Variants in HOOK1 observed in about 807,000 individuals in gnomAD.
The protein encoded by HOOK1 is protein Hook homolog 1.
HOOK1 carries 60 observed loss-of-function variants against 112.8 expected under a neutral mutation model. The ratio of observed to expected loss-of-function variants is 0.53; its 90% CI spans 0.43 to 0.66. The LOEUF is 0.66. Ranked by LOEUF, HOOK1 falls within the 30% of genes least tolerant of loss-of-function variation. The probability of loss-of-function intolerance (pLI) is 0.00; values close to 1 mark genes in which losing one functional copy is unlikely to be tolerated. For missense variants in HOOK1, 770 were observed against 856.0 expected (o/e 0.90, Z 1.25); for synonymous variants, 294 against 283.8 (o/e 1.04, Z -0.36).
intron 15 of HOOK1, among the ~76,000 whole-genome samples, chr1:59,862,510 C>T (rs145201762): frequency 1.6e-4 from 25 of 151,844 alleles, no homozygotes; most frequent in African/African-American, 5.6e-4. Flanking sequence ...CCAGTGAGTG[C>T]GGTGTAGAAA....
At chr1:59,826,639 T>A (rs988467531) in intron 2 of HOOK1, among the ~76,000 whole-genome samples, 1 of 152,210 alleles carries the variant, frequency 6.6e-6, no homozygotes, top group Non-Finnish European at 1.5e-5. Flanking sequence ...CATACTTGGA[T>A]TTTTTTAGGG....
At chr1:59,860,072 C>G (rs920148387) in intron 14 of HOOK1, 116 bp from the exon 15 acceptor site, 8 of 657,752 alleles carry the variant, frequency 1.2e-5, no homozygotes, top group Middle Eastern at 4.3e-4. Context: ...CTAGCTGGTC[C>G]TGCTTGCATC....
chr1:59,820,508 T>G (rs889545487), intron 1 of HOOK1, among the ~76,000 whole-genome samples: 1 of 152,178 alleles, frequency 6.6e-6, no homozygotes, highest in African/African-American at 2.4e-5. Context: ...AAATAATATC[T>G]CTTCTCATGT....
chr1:59,821,209 T>C (rs1157070346), intron 1 of HOOK1, among the ~76,000 whole-genome samples: 1 of 152,240 alleles, frequency 6.6e-6, no homozygotes, highest in African/African-American at 2.4e-5. Flanking sequence ...CTATCTCATA[T>C]TTGCTTATTG....
chr1:59,865,379 T>C (rs1451154374), intron 18 of HOOK1, 134 bp downstream of exon 18: 4 of 506,072 alleles, frequency 7.9e-6, no homozygotes, highest in Non-Finnish European at 1.4e-5. Flanking sequence ...AGGACTATGA[T>C]AATTTTTAGT....
At chr1:59,841,671 A>C (rs1162171359) in intron 8 of HOOK1, among the ~76,000 whole-genome samples, 1 of 152,136 alleles carries the variant, frequency 6.6e-6, no homozygotes, top group African/African-American at 2.4e-5. Flanking sequence ...CCTGTAAAAT[A>C]CCTTGTAGGA....
chr1:59,832,234 T>C lies in HOOK1; in HGVS notation c.273+21T>C. ...ATGAGGTATGAAAACCATCTGACTT[T>C]GTTTAAATGCATCATGCTATACGAA... On this transcript the variant is annotated intron_variant, in intron 4 of 21. Transcript: ENST00000371208. 5 of 1,459,106 alleles carry C rather than the reference T, an allele frequency of 3.4e-6. No homozygotes were observed. In the South Asian group the frequency reaches 5.1e-5, roughly 15 times the overall value. 90.4% of individuals were successfully genotyped at this position (1,459,106 alleles called of 1,614,324 possible).
In HOOK1 at chr1:59,860,281, G is replaced by C. The variant is rs1313944146; in HGVS notation, c.1485G>C (p.Gln495His). ...ENERIEELQE[Q>H]LEQKHRKMNE... ...AACGTATTGAGGAACTTCAGGAGCA[G>C]CTAGAACAGAAACACCGTAAAATGA... Residue 495 changes from glutamine (Q) to histidine (H), a missense_variant, in exon 15 of 22, where the codon CAG becomes CAC. Physicochemically the swap from Gln to His is conservative, Grantham distance 24 (BLOSUM62 0). Transcript: ENST00000371208. 1 of 1,610,050 alleles carries C rather than the reference G, an allele frequency of 6.2e-7. No homozygotes were observed. Among genetic ancestry groups the C allele is most frequent in the Admixed American group, 1.7e-5 (1 of 59,736 alleles).
intron 12 of HOOK1, among the ~76,000 whole-genome samples, chr1:59,856,546 T>A (rs2098410880): frequency 6.6e-6 from 1 of 152,112 alleles, no homozygotes; most frequent in Non-Finnish European, 1.5e-5. Context: ...AATCTGACAT[T>A]TAAAATAATA....
At chr1:59,841,304 G>A (rs1234886910) in intron 8 of HOOK1, among the ~76,000 whole-genome samples, 1 of 152,128 alleles carries the variant, frequency 6.6e-6, no homozygotes, top group East Asian at 1.9e-4. Flanking sequence ...TTGATTCTCT[G>A]AAAAGTGTAA....
At chr1:59,853,071 A>T (rs1309642402) in intron 12 of HOOK1, among the ~76,000 whole-genome samples, 1 of 151,928 alleles carries the variant, frequency 6.6e-6, no homozygotes, top group Non-Finnish European at 1.5e-5. Flanking sequence ...AGAGTGTTCC[A>T]TGTGGATTTT....
At position 59,828,787 on chromosome 1, in the gene HOOK1, G is replaced by T. The variant is rs1330244038; in HGVS notation, c.157G>T (p.Ala53Ser). 6.2e-7 allele frequency: 1 copy of T among 1,612,990 alleles called. No homozygotes were observed. The highest frequency in any genetic ancestry group is 1.7e-5 in the Admixed American group (1 of 59,900). ...MAQVLHQIDAAWFNESWLSRI... is the reference protein window; with the variant it reads ...MAQVLHQIDASWFNESWLSRI... ...TTTTTGTTGTTGTTTCAGTGATGCA[G>T]CTTGGTTTAACGAATCTTGGTTAAG... is the stretch of plus-strand genomic sequence containing the variant. Residue 53 changes from alanine to serine, a missense_variant, in exon 3 of 22, where the codon GCT becomes TCT. Coordinates refer to ENST00000371208, the MANE Select transcript of HOOK1 (RefSeq NM_015888.6).
At chr1:59,854,944 AAAC>A (rs1559057532) in intron 12 of HOOK1, among the ~76,000 whole-genome samples, 1 of 152,240 alleles carries the variant, frequency 6.6e-6, no homozygotes, top group African/African-American at 2.4e-5. Context: ...ATACATGGTA[AAAC>A]AACGACAACA....
rs2098400426 is a variant in HOOK1, at chr1:59,840,350, A to G, written c.580A>G (p.Lys194Glu). Residue 194 changes from lysine to glutamate, a missense_variant, in exon 8 of 22, where the codon AAA becomes GAA. Lys to Glu is a moderately conservative substitution (Grantham distance 56). Coordinates refer to ENST00000371208, the MANE Select transcript of HOOK1 (RefSeq NM_015888.6). ...LEELQEALAE[K>E]EELRQRCEEL... is the part of the protein sequence containing the mutation. The stretch of plus-strand genomic sequence containing the variant: ...AGAACTTCAGGAAGCACTAGCAGAA[A>G]AAGAAGAGCTGAGGCAAAGATGTGA... 6.2e-7 allele frequency: 1 copy of G among 1,600,412 alleles called. No homozygotes were observed. The highest frequency in any genetic ancestry group is 1.1e-5 in the South Asian group (1 of 87,924).
In HOOK1 at chr1:59,875,367, T is replaced by TA. The variant is rs2102084766; in HGVS notation, c.*2404dup. The TA allele has an allele frequency of 6.5e-6, 1 of 152,734 alleles. No homozygotes were observed. Among genetic ancestry groups the TA allele is most frequent in the South Asian group, 2.1e-4 (1 of 4,830 alleles). The allele number at this position is 152,734 out of a possible 1,614,324, so 9.5% of individuals were successfully genotyped here. Reference sequence around the variant, plus strand: ...AGTAGGATTCAAAACGTTTGATATGTAAGTATTTATATAAGACTAATGTAA... The same window carrying TA: ...AGTAGGATTCAAAACGTTTGATATGTAAAGTATTTATATAAGACTAATGTAA... On this transcript the variant is annotated 3_prime_UTR_variant, in exon 22 of 22. Coordinates refer to ENST00000371208, the MANE Select transcript of HOOK1 (RefSeq NM_015888.6).
intron 6 of HOOK1, among the ~76,000 whole-genome samples, chr1:59,835,808 G>A (rs2098397214): frequency 6.6e-6 from 1 of 152,026 alleles, no homozygotes; most frequent in Admixed American, 6.6e-5. Flanking sequence ...TCACAGTGGG[G>A]TTTTTGCTCC....
chr1:59,860,536 T>C (rs1007493421), intron 15 of HOOK1, among the ~76,000 whole-genome samples: 2 of 152,196 alleles, frequency 1.3e-5, no homozygotes, highest in African/African-American at 2.4e-5. Flanking sequence ...ATTTATAAAA[T>C]ATATGGATAA....
chr1:59,859,109 A>T, intron 14 of HOOK1, 64 bp downstream of exon 14: 1 of 698,830 alleles, frequency 1.4e-6, no homozygotes, highest in Non-Finnish European at 2.1e-6. Flanking sequence ...TTTTTTGTAA[A>T]TGTCTTGGCC....
intron 1 of HOOK1, 85 bp downstream of exon 1, chr1:59,815,265 G>GA: frequency 1.5e-6 from 2 of 1,313,690 alleles, no homozygotes; most frequent in Non-Finnish European, 2.1e-6. Flanking sequence ...GGTGAGCTGG[G>GA]GCTACCTGCA....
Sources: allele counts gnomAD v4.1 joint callset (sites outside exome capture counted in the v4.1 genomes callset), GRCh38; gene constraint gnomAD v4.1.1; transcripts MANE v1.5; gene names NCBI Gene and HGNC (gene_info 2026-07-23, HGNC 2026-07-21).